LRRC4C: variants seen among roughly 807,000 people sequenced by gnomAD.
LRRC4C encodes the protein leucine-rich repeat-containing protein 4C.
In LRRC4C, 5 loss-of-function variants were observed where a neutral mutation model predicts 33.6. The observed-to-expected ratio is 0.15, with a 90% confidence interval of 0.08 to 0.31. The LOEUF is 0.31. Ranked by LOEUF, LRRC4C falls within the 10% of genes least tolerant of loss-of-function variation. The probability of loss-of-function intolerance (pLI) is 1.00; values close to 1 mark genes in which losing one functional copy is unlikely to be tolerated. For synonymous variants in LRRC4C, 329 were observed against 302.0 expected, an observed-to-expected ratio of 1.09 and a Z score of -0.93; for missense variants, 560 against 796.7, an observed-to-expected ratio of 0.70 and a Z score of 3.58.
At chr11:41,219,364 G>T (rs1947203212) in intron 1 of LRRC4C, among the ~76,000 whole-genome samples, 1 of 152,152 alleles carries the variant, frequency 6.6e-6, no homozygotes, top group South Asian at 2.1e-4. Flanking sequence ...GAAAGTCAGA[G>T]AGCGGGTCAT....
chr11:40,409,322 C>T (rs1410627423), intron 3 of LRRC4C, among the ~76,000 whole-genome samples: 2 of 151,598 alleles, frequency 1.3e-5, no homozygotes, highest in East Asian at 3.9e-4. Context: ...AAAAAAATTC[C>T]ATGAAATTTT....
rs1955894375 is a variant in LRRC4C, at chr11:41,448,141, T to TTTTTTTTTTTTTTTTTTTTC, written c.-496+11289_-496+11290insGAAAAAAAAAAAAAAAAAAA. ...ACGTCTGTTTTTTTTTTTTTTTTTT[T>TTTTTTTTTTTTTTTTTTTTC]TGGAGCTTTACTTCATCAGTGTCCA... is the stretch of plus-strand genomic sequence containing the variant. On this transcript the variant is annotated intron_variant, in intron 1 of 6. Coordinates refer to ENST00000528697, the MANE Select transcript of LRRC4C (RefSeq NM_001258419.2). Among the ~76,000 whole-genome samples the TTTTTTTTTTTTTTTTTTTTC allele has an allele frequency of 1.4e-5, 2 of 146,002 alleles. 1 individual carries two copies. The highest frequency in any genetic ancestry group is 5.0e-5 in the African/African-American group (2 of 39,732).
At chr11:40,671,874 G>C (rs368616142) in intron 2 of LRRC4C, among the ~76,000 whole-genome samples, 1 of 151,598 alleles carries the variant, frequency 6.6e-6, no homozygotes. Flanking sequence ...TCCTATTCTA[G>C]AATGTACATT....
chr11:41,312,118 G>A (rs1388720084), intron 1 of LRRC4C, among the ~76,000 whole-genome samples: 1 of 152,130 alleles, frequency 6.6e-6, no homozygotes, highest in Non-Finnish European at 1.5e-5. Context: ...TTTTGACAAA[G>A]TGGATGACCA....
At chr11:41,402,151 G>T (rs985110683) in intron 1 of LRRC4C, among the ~76,000 whole-genome samples, 6 of 152,008 alleles carry the variant, frequency 3.9e-5, no homozygotes, top group Admixed American at 1.3e-4. Context: ...GGATAAAATA[G>T]AAAGGGGACA....
At chr11:40,241,355 C>G (rs1274388735) in intron 5 of LRRC4C, among the ~76,000 whole-genome samples, 164 bp downstream of exon 5, 3 of 152,024 alleles carry the variant, frequency 2.0e-5, no homozygotes, top group Non-Finnish European at 1.5e-5. Context: ...GCACTTCAGC[C>G]TTGGCAACAC....
At chr11:40,835,573 T>G (rs975565677) in intron 2 of LRRC4C, among the ~76,000 whole-genome samples, 8 of 152,214 alleles carry the variant, frequency 5.3e-5, no homozygotes, top group African/African-American at 1.2e-4. Flanking sequence ...TATACATCTA[T>G]TTGTTAGAAA....
intron 3 of LRRC4C, among the ~76,000 whole-genome samples, chr11:40,327,279 C>A (rs2136908514): frequency 6.6e-6 from 1 of 151,986 alleles, no homozygotes; most frequent in Middle Eastern, 3.4e-3. Context: ...AATGAATGCC[C>A]TTTGGAGTCA....
rs1565140780 is a variant in LRRC4C at position 40,858,024 on chromosome 11, A to AC, written c.-407+75610_-407+75611insG. Among the ~76,000 whole-genome samples, 8 of 128,386 alleles carry AC rather than the reference A, an allele frequency of 6.2e-5. No homozygotes were observed. In the East Asian group the frequency reaches 6.7e-4, roughly 11 times the overall value. The allele number at this position is 128,386 out of a possible 152,430, so 84.2% of individuals were successfully genotyped here. ...GGGACAGGGACAAGGAAAGGAAGGGAAGGGAAGGGAAGGGAAGGGAAGGGA... is the reference window on the plus strand; with the variant it reads ...GGGACAGGGACAAGGAAAGGAAGGGACAGGGAAGGGAAGGGAAGGGAAGGGA... On this transcript the variant is annotated intron_variant, in intron 2 of 6. Coordinates refer to ENST00000528697, the MANE Select transcript of LRRC4C (RefSeq NM_001258419.2).
At chr11:40,644,435 A>G (rs1055713456) in intron 3 of LRRC4C, among the ~76,000 whole-genome samples, 1 of 152,192 alleles carries the variant, frequency 6.6e-6, no homozygotes, top group Non-Finnish European at 1.5e-5. Context: ...TTTTCCCTCA[A>G]AATAAAAACT....
intron 1 of LRRC4C, among the ~76,000 whole-genome samples, chr11:41,436,318 G>T (rs1955427112): frequency 6.6e-6 from 1 of 152,196 alleles, no homozygotes; most frequent in Non-Finnish European, 1.5e-5. Flanking sequence ...TGACAATTCT[G>T]TTAAGATAAA....
intron 1 of LRRC4C, among the ~76,000 whole-genome samples, chr11:41,427,206 G>A (rs987346655): frequency 2.6e-5 from 4 of 151,812 alleles, no homozygotes; most frequent in African/African-American, 9.7e-5. Flanking sequence ...GATGGGAAAA[G>A]TGTTCTTAGA....
intron 5 of LRRC4C, among the ~76,000 whole-genome samples, chr11:40,175,335 G>A (rs1233487677): frequency 6.6e-6 from 1 of 152,208 alleles, no homozygotes. Context: ...TTGCTTTGCT[G>A]CCTTAACTCA....
chr11:40,633,327 TTC>T (rs1377039017), intron 3 of LRRC4C, among the ~76,000 whole-genome samples: 1 of 15,018 alleles, frequency 6.7e-5, no homozygotes, highest in Non-Finnish European at 1.5e-4. Context: ...AGTTTTCTTT[TTC>T]TTTCTTTCTT....
At chr11:40,339,761 G>C (rs1946785130) in intron 3 of LRRC4C, among the ~76,000 whole-genome samples, 2 of 152,082 alleles carry the variant, frequency 1.3e-5, no homozygotes, top group Non-Finnish European at 2.9e-5. Context: ...TAGGTAAACA[G>C]CTGGGCAGTT....
At chr11:40,210,248 G>A (rs943406070) in intron 5 of LRRC4C, among the ~76,000 whole-genome samples, 34 of 148,170 alleles carry the variant, frequency 2.3e-4, no homozygotes, top group African/African-American at 8.4e-4. Context: ...GCGAGACTCC[G>A]TCTCAAAAAA....
At chr11:41,437,871 C>G (rs889717425) in intron 1 of LRRC4C, among the ~76,000 whole-genome samples, 4 of 151,966 alleles carry the variant, frequency 2.6e-5, no homozygotes, top group Admixed American at 2.6e-4. Flanking sequence ...AACCCCGTCT[C>G]TACTAAAAAT....
chr11:40,953,873 A>C (rs1344448455), intron 1 of LRRC4C, among the ~76,000 whole-genome samples: 1 of 151,832 alleles, frequency 6.6e-6, no homozygotes. Flanking sequence ...TTTTTATCTT[A>C]TTTTGTCATT....
intron 5 of LRRC4C, among the ~76,000 whole-genome samples, chr11:40,192,840 G>T (rs1272057127): frequency 6.6e-6 from 1 of 152,182 alleles, no homozygotes; most frequent in African/African-American, 2.4e-5. Flanking sequence ...CCACTGGGAA[G>T]TTCGGACTAG....
Sources: gnomAD v4.1 joint callset for allele counts (sites outside exome capture counted in the v4.1 genomes callset) on GRCh38, gnomAD v4.1.1 for gene constraint, MANE v1.5 for transcripts, NCBI Gene and HGNC (gene_info 2026-07-23, HGNC 2026-07-21) for gene names.